GPC6: variants seen among roughly 807,000 people sequenced by gnomAD.
GPC6 encodes the protein glypican-6.
In GPC6, 14 loss-of-function variants were observed where a neutral mutation model predicts 55.2. The ratio of observed to expected loss-of-function variants is 0.25; its 90% CI spans 0.17 to 0.40. GPC6 has a LOEUF of 0.40. Among genes scored for constraint, GPC6 ranks in the 10% least tolerant of loss-of-function variants. The pLI is 1.00. For synonymous variants in GPC6, 278 were observed against 259.6 expected (o/e 1.07, Z -0.68); for missense variants, 641 against 708.5 (o/e 0.90, Z 1.08).
chr13:94,327,042 C>A (rs1435741611), intron 6 of GPC6, among the ~76,000 whole-genome samples: 1 of 152,208 alleles, frequency 6.6e-6, no homozygotes, highest in Non-Finnish European at 1.5e-5. Flanking sequence ...TAGCGTCTAT[C>A]AGCACCAACA....
intron 1 of GPC6, among the ~76,000 whole-genome samples, chr13:93,350,452 A>C (rs970801964): frequency 6.6e-6 from 1 of 152,152 alleles, no homozygotes; most frequent in Non-Finnish European, 1.5e-5. Context: ...AAATAAAATA[A>C]ATTCTTAAAT....
rs138840652 is a variant in GPC6, at chr13:93,821,406, A to G, written c.320-8748A>G. The stretch of plus-strand genomic sequence containing the variant: ...AAATAGGCCTGGAAAATACTCATAT[A>G]GGAAAGGTAAGCAGATTGTCTGCTG... On this transcript the variant is annotated intron_variant, in intron 2 of 8. Transcript: ENST00000377047. Among the ~76,000 whole-genome samples the G allele has an allele frequency of 3.2e-3, 489 of 152,246 alleles. 4 individuals carry two copies. The highest frequency in any genetic ancestry group is 5.1e-3 in the Non-Finnish European group (345 of 68,008).
chr13:93,719,296 C>T (rs1883364783), intron 2 of GPC6, among the ~76,000 whole-genome samples: 1 of 152,062 alleles, frequency 6.6e-6, no homozygotes, highest in Admixed American at 6.6e-5. Context: ...AGAGGTCCTT[C>T]ACATCCCTTG....
chr13:94,040,983 A>G (rs1434381618), intron 4 of GPC6, among the ~76,000 whole-genome samples: 1 of 151,840 alleles, frequency 6.6e-6, no homozygotes, highest in Non-Finnish European at 1.5e-5. Context: ...CTCACAATTG[A>G]AAAACATTAT....
chr13:93,634,981 C>T (rs1170825857), intron 2 of GPC6, among the ~76,000 whole-genome samples: 1 of 152,088 alleles, frequency 6.6e-6, no homozygotes, highest in African/African-American at 2.4e-5. Context: ...AAGCGTAGAG[C>T]TGAAGGGAAG....
intron 1 of GPC6, among the ~76,000 whole-genome samples, chr13:93,444,546 G>C (rs1419378224): frequency 6.6e-6 from 1 of 152,200 alleles, no homozygotes; most frequent in Non-Finnish European, 1.5e-5. Context: ...AGCGGAGGTT[G>C]CAGTAAGCTG....
At chr13:94,271,989 G>C (rs537463027) in intron 4 of GPC6, among the ~76,000 whole-genome samples, 4 of 152,156 alleles carry the variant, frequency 2.6e-5, no homozygotes, top group African/African-American at 4.8e-5. Flanking sequence ...TGGGTCTGCT[G>C]ACCCATGATT....
intron 2 of GPC6, among the ~76,000 whole-genome samples, chr13:93,724,614 G>C (rs984527265): frequency 6.6e-6 from 1 of 151,908 alleles, no homozygotes; most frequent in Non-Finnish European, 1.5e-5. Flanking sequence ...TTAGGTGATC[G>C]TTTTTTGGTG....
intron 2 of GPC6, among the ~76,000 whole-genome samples, chr13:93,757,011 C>T (rs1229963134): frequency 1.3e-5 from 2 of 152,150 alleles, no homozygotes; most frequent in Non-Finnish European, 2.9e-5. Context: ...CGCAAAGATT[C>T]TACTTCAAAC....
chr13:93,425,705 A>G (rs1393721854), intron 1 of GPC6, among the ~76,000 whole-genome samples: 2 of 152,156 alleles, frequency 1.3e-5, no homozygotes, highest in Non-Finnish European at 2.9e-5. Flanking sequence ...GATCTTGTCA[A>G]TTCCTAAATT....
chr13:94,007,557 T>C (rs1242752237), intron 3 of GPC6, among the ~76,000 whole-genome samples: 3 of 152,216 alleles, frequency 2.0e-5, no homozygotes, highest in Admixed American at 2.0e-4. Context: ...CACTGTCCCC[T>C]CTTCTTTCCT....
intron 1 of GPC6, among the ~76,000 whole-genome samples, chr13:93,291,774 T>C (rs886512686): frequency 1.3e-5 from 2 of 152,124 alleles, no homozygotes; most frequent in Non-Finnish European, 2.9e-5. Flanking sequence ...ATATCCAGCA[T>C]ATACCTTCGG....
At chr13:93,390,384 C>G (rs1875577553) in intron 1 of GPC6, among the ~76,000 whole-genome samples, 1 of 152,076 alleles carries the variant, frequency 6.6e-6, no homozygotes, top group African/African-American at 2.4e-5. Context: ...CACATTATGA[C>G]TTTCTCCTTT....
At chr13:93,602,980 C>CTTTTTCT (rs148469064) in intron 2 of GPC6, among the ~76,000 whole-genome samples, 4 of 151,280 alleles carry the variant, frequency 2.6e-5, no homozygotes, top group East Asian at 2.0e-4. Flanking sequence ...GTATTATTTC[C>CTTTTTCT]TTTTTCTTTT....
intron 1 of GPC6, among the ~76,000 whole-genome samples, chr13:93,505,489 A>G (rs1358184048): frequency 6.6e-6 from 1 of 152,124 alleles, no homozygotes; most frequent in Non-Finnish European, 1.5e-5. Context: ...AGAGATTAAC[A>G]TTGCACTTAC....
chr13:94,149,456 C>T (rs1276186996), intron 4 of GPC6, among the ~76,000 whole-genome samples: 2 of 152,092 alleles, frequency 1.3e-5, no homozygotes, highest in Non-Finnish European at 2.9e-5. Context: ...CCTTGTGTGC[C>T]TTTAGAACAT....
At chr13:93,957,466 A>T (rs2140379424) in intron 3 of GPC6, among the ~76,000 whole-genome samples, 1 of 152,276 alleles carries the variant, frequency 6.6e-6, no homozygotes, top group South Asian at 2.1e-4. Flanking sequence ...ATAAGTGAGA[A>T]CATGAGGTAT....
At chr13:93,541,712 T>C (rs1362577833) in intron 1 of GPC6, among the ~76,000 whole-genome samples, 5 of 144,626 alleles carry the variant, frequency 3.5e-5, no homozygotes, top group Admixed American at 1.4e-4. Context: ...TTTTAATGAT[T>C]GCCATTCTAA....
intron 2 of GPC6, among the ~76,000 whole-genome samples, chr13:93,596,393 A>G (rs35793749): frequency 1.3e-5 from 2 of 152,028 alleles, no homozygotes; most frequent in Non-Finnish European, 2.9e-5. Context: ...GAGACGAGTT[A>G]GGGGGAATAT....
Sources: gnomAD v4.1 joint callset for allele counts (sites outside exome capture counted in the v4.1 genomes callset) on GRCh38, gnomAD v4.1.1 for gene constraint, MANE v1.5 for transcripts, NCBI Gene and HGNC (gene_info 2026-07-23, HGNC 2026-07-21) for gene names.